PHF2: variants seen among roughly 807,000 people sequenced by gnomAD.
PHF2 encodes lysine-specific demethylase PHF2.
Under a neutral mutation model 120.5 loss-of-function variants are expected in PHF2, and 27 were observed. That is an observed-to-expected ratio of 0.22 (90% CI 0.17 to 0.31). PHF2 has a LOEUF of 0.31. PHF2 is among the 10% of genes least tolerant of loss of function. The probability of loss-of-function intolerance (pLI) is 1.00; values close to 1 mark genes in which losing one functional copy is unlikely to be tolerated. For synonymous variants in PHF2, 568 were observed against 592.5 expected (o/e 0.96, Z 0.60); for missense variants, 1,024 against 1,434.8 (o/e 0.71, Z 4.63).
chr9:93,632,967 T>G (rs1005505625), intron 2 of PHF2, among the ~76,000 whole-genome samples: 1 of 152,104 alleles, frequency 6.6e-6, no homozygotes, highest in African/African-American at 2.4e-5. Flanking sequence ...GTCTTTGCAT[T>G]TACTCCAGGC....
intron 17 of PHF2, among the ~76,000 whole-genome samples, chr9:93,668,091 A>G (rs1281853478): frequency 6.6e-6 from 1 of 152,240 alleles, no homozygotes; most frequent in Non-Finnish European, 1.5e-5. Flanking sequence ...AGCTTTTGCT[A>G]AATCAATTGG....
chr9:93,607,985 G>A lies in PHF2; in HGVS notation c.99-21985G>A, dbSNP rs1299172983. ...AGAGGGAAAGAGATGAGAGAGAGAC[G>A]GAGGGAGATGAGAGAGAGAGAGAGA... On this transcript the variant is annotated intron_variant, in intron 1 of 21. Transcript: ENST00000359246. Among the ~76,000 whole-genome samples the A allele has an allele frequency of 3.9e-5, 5 of 129,192 alleles. 1 individual carries two copies. Among genetic ancestry groups the A allele is most frequent in the Non-Finnish European group, 6.8e-5 (4 of 59,250 alleles). 84.8% of individuals were successfully genotyped at this position (129,192 alleles called of 152,430 possible).
intron 4 of PHF2, 85 bp downstream of exon 4, chr9:93,645,874 C>A (rs1050364377): frequency 2.8e-6 from 4 of 1,429,872 alleles, no homozygotes; most frequent in Non-Finnish European, 3.7e-6. Context: ...TTTCCCCACG[C>A]CCTGGCTGTG....
intron 1 of PHF2, among the ~76,000 whole-genome samples, chr9:93,613,997 C>T (rs934518563): frequency 1.3e-5 from 2 of 152,192 alleles, no homozygotes; most frequent in Non-Finnish European, 2.9e-5. Context: ...TTAATCCTCT[C>T]AAGTGCCTGT....
In PHF2 at chr9:93,656,750, C is replaced by T. The variant is rs1057174836; in HGVS notation, c.1147+155C>T. On this transcript the variant is annotated intron_variant, in intron 9 of 21. Transcript: ENST00000359246. This position sits in a 1 kb window ranked among gnomAD's most constrained non-coding sequence, Gnocchi z 4.1. ...TCAGACCCCTGGGGCTCAGTTTCCC[C>T]ATCTGTATAATGCAGGACTAGATTG... Among the ~76,000 whole-genome samples the T allele has an allele frequency of 2.6e-5, 4 of 152,122 alleles. No homozygotes were observed. Among genetic ancestry groups the T allele is most frequent in the African/African-American group, 9.7e-5 (4 of 41,440 alleles).
chr9:93,583,307 C>T (rs1401029895), intron 1 of PHF2, among the ~76,000 whole-genome samples: 2 of 152,194 alleles, frequency 1.3e-5, no homozygotes, highest in African/African-American at 4.8e-5. Flanking sequence ...TTTATCCATT[C>T]ATCAGTGTAT....
rs535007225 is a variant in PHF2 at position 93,611,307 on chromosome 9, C to A, written c.99-18663C>A. On this transcript the variant is annotated intron_variant, in intron 1 of 21. Coordinates refer to ENST00000359246, the MANE Select transcript of PHF2 (RefSeq NM_005392.4). The stretch of plus-strand genomic sequence containing the variant: ...GTGTGTGCCTGTAATCCCAGCTACT[C>A]AGGAGCCTGAGGCAGAAGAATTGCT... 2.6e-5 allele frequency among the ~76,000 whole-genome samples: 4 copies of A among 151,828 alleles called. No individual in the cohort carries two copies. In the South Asian group the frequency reaches 8.3e-4, roughly 32 times the overall value.
chr9:93,650,272 C>T (rs1826345256), intron 5 of PHF2, among the ~76,000 whole-genome samples: 1 of 152,064 alleles, frequency 6.6e-6, no homozygotes, highest in African/African-American at 2.4e-5. Flanking sequence ...CACACTCATA[C>T]ACAGACACTG....
intron 1 of PHF2, among the ~76,000 whole-genome samples, chr9:93,624,104 C>T (rs1242937920): frequency 6.6e-6 from 1 of 152,278 alleles, no homozygotes; most frequent in Non-Finnish European, 1.5e-5. Flanking sequence ...CTTAACCTCT[C>T]ATACCTACCT....
At chr9:93,647,219 C>T (rs1344503132) in intron 4 of PHF2, among the ~76,000 whole-genome samples, 1 of 152,202 alleles carries the variant, frequency 6.6e-6, no homozygotes, top group African/African-American at 2.4e-5. Context: ...TAGTGAGGGC[C>T]TGCCTAGTGC....
At chr9:93,674,534 G>T (rs1826872513) in intron 18 of PHF2, among the ~76,000 whole-genome samples, 1 of 152,164 alleles carries the variant, frequency 6.6e-6, no homozygotes, top group South Asian at 2.1e-4. Flanking sequence ...TCCTTCCCTG[G>T]TTCCCCACTC....
chr9:93,608,764 A>G (rs1412932766), intron 1 of PHF2, among the ~76,000 whole-genome samples: 1 of 151,984 alleles, frequency 6.6e-6, no homozygotes, highest in Non-Finnish European at 1.5e-5. Context: ...CTGTGTCTTT[A>G]TATTTTAAGT....
chr9:93,631,087 C>T (rs1247332847), intron 2 of PHF2, among the ~76,000 whole-genome samples: 1 of 152,160 alleles, frequency 6.6e-6, no homozygotes, highest in Admixed American at 6.5e-5. Context: ...CCTATGGAAT[C>T]AGTAGGGGCA....
At chr9:93,620,921 T>C (rs866980746) in intron 1 of PHF2, among the ~76,000 whole-genome samples, 12 of 152,254 alleles carry the variant, frequency 7.9e-5, no homozygotes, top group Admixed American at 2.6e-4. Context: ...GAGAACAGGA[T>C]GGCCCCTAAT....
At chr9:93,613,560 C>CTTT (rs201420565) in intron 1 of PHF2, among the ~76,000 whole-genome samples, 16 of 129,042 alleles carry the variant, frequency 1.2e-4, no homozygotes, top group Middle Eastern at 4.1e-3. Flanking sequence ...TTTTCTTTTT[C>CTTT]TTTTTTTTTT....
chr9:93,674,875 G>A (rs372739047), intron 18 of PHF2, 52 bp from the exon 19 acceptor site: 44 of 1,387,142 alleles, frequency 3.2e-5, no homozygotes, highest in Non-Finnish European at 4.3e-5. Context: ...GCCCTCCTCC[G>A]TGGACCTGCC....
At chr9:93,667,614 G>A (rs1826707154) in intron 17 of PHF2, among the ~76,000 whole-genome samples, 1 of 152,172 alleles carries the variant, frequency 6.6e-6, no homozygotes, top group Non-Finnish European at 1.5e-5. Context: ...GCCCATGTCG[G>A]GGGCTGCAGC....
At chr9:93,634,530 A>G (rs1826059367) in intron 2 of PHF2, among the ~76,000 whole-genome samples, 2 of 152,194 alleles carry the variant, frequency 1.3e-5, no homozygotes, top group South Asian at 4.1e-4. Context: ...GAGTGCTTGC[A>G]AACTGCAACA....
chr9:93,605,526 C>T lies in PHF2; in HGVS notation c.99-24444C>T, dbSNP rs539415764. On this transcript the variant is annotated intron_variant, in intron 1 of 21. Coordinates refer to ENST00000359246, the MANE Select transcript of PHF2 (RefSeq NM_005392.4). ...ATCCATCCCTCCCAGTACCCCCAAA[C>T]CTCTGATAACCACTGATGTTTTTAC... 5.9e-5 allele frequency among the ~76,000 whole-genome samples: 9 copies of T among 152,334 alleles called. No individual in the cohort carries two copies. In the East Asian group the frequency reaches 1.5e-3, roughly 26 times the overall value.
Sources: gnomAD v4.1 joint callset for allele counts (sites outside exome capture counted in the v4.1 genomes callset) on GRCh38, gnomAD v4.1.1 for gene constraint, Gnocchi (gnomAD v3.1) non-coding constraint, MANE v1.5 for transcripts, NCBI Gene and HGNC (gene_info 2026-07-23, HGNC 2026-07-21) for gene names.